DIPK1C: variants seen among roughly 807,000 people sequenced by gnomAD.
DIPK1C encodes the protein divergent protein kinase domain 1C.
Under a neutral mutation model 28.0 loss-of-function variants are expected in DIPK1C, and 33 were observed. That is an observed-to-expected ratio of 1.18 (90% CI 0.89 to 1.58). DIPK1C has a LOEUF of 1.58. Ranked by LOEUF, DIPK1C falls within the 40% of genes most tolerant of loss-of-function variation. The pLI is 0.00. For synonymous variants in DIPK1C, 255 were observed against 248.8 expected (o/e 1.02, Z -0.23); for missense variants, 569 against 568.5 (o/e 1.00, Z -0.01).
At chr18:74,442,200 TC>T (rs2144515508) in intron 2 of DIPK1C, 84 bp from the exon 3 acceptor site, 1 of 1,502,726 alleles carries the variant, frequency 6.7e-7, no homozygotes, top group Non-Finnish European at 9.0e-7. Flanking sequence ...TCTGTTCACC[TC>T]GTGCGGGTGC....
At chr18:74,444,914 G>T (rs572881960) in intron 2 of DIPK1C, among the ~76,000 whole-genome samples, 1 of 152,232 alleles carries the variant, frequency 6.6e-6, no homozygotes, top group Admixed American at 6.5e-5. Flanking sequence ...ACAACTTAGG[G>T]GGCTCCCACA....
In DIPK1C at chr18:74,457,067, C is replaced by T. The variant is rs1254582041; in HGVS notation, c.193G>A (p.Ala65Thr). Residue 65 changes from alanine to threonine, a missense_variant, in exon 1 of 4, where the codon GCG (alanine) becomes ACG (threonine). Physicochemically the swap from Ala to Thr is moderately conservative, Grantham distance 58 (BLOSUM62 0). Transcript: ENST00000343998. Reference sequence around the variant, plus strand: ...AGAGCGGCGGCGGGACCTACCAGCGCGGCCAGGATGCGCCGGCTCTTCTCG... The same window carrying T: ...AGAGCGGCGGCGGGACCTACCAGCGTGGCCAGGATGCGCCGGCTCTTCTCG... ...TDEKSRRILA[A>T]LCQDYQGGTL... is the part of the protein sequence containing the mutation. 19 of 1,460,214 alleles carry T rather than the reference C, an allele frequency of 1.3e-5. No homozygotes were observed. Among genetic ancestry groups the T allele is most frequent in the Non-Finnish European group, 1.5e-5 (17 of 1,114,530 alleles). 90.5% of individuals were successfully genotyped at this position (1,460,214 alleles called of 1,614,324 possible).
the DIPK1C span, among the ~76,000 whole-genome samples, chr18:74,464,178 G>A: frequency 6.6e-6 from 1 of 152,026 alleles, no homozygotes; most frequent in South Asian, 2.1e-4. Context: ...GTGGCAGCTG[G>A]CCCCACTCCC....
intron 2 of DIPK1C, among the ~76,000 whole-genome samples, chr18:74,442,330 CT>C (rs113419163): frequency 0.016 from 2,347 of 150,796 alleles, 56 homozygotes; most frequent in African/African-American, 0.049. Flanking sequence ...TTTTCTTTTT[CT>C]TTTTTTTTTT....
chr18:74,440,165 C>T (rs1429916390), intron 3 of DIPK1C, among the ~76,000 whole-genome samples: 7 of 152,062 alleles, frequency 4.6e-5, no homozygotes, highest in African/African-American at 1.2e-4. Flanking sequence ...AGGATGGTCT[C>T]GATCTCCTGA....
rs563082257 is a variant in DIPK1C at position 74,436,627 on chromosome 18, C to T, written c.1134G>A (p.Ala378=). 1.5e-5 allele frequency: 25 copies of T among 1,613,742 alleles called. No individual in the cohort carries two copies. The South Asian group carries it at 2.5e-4, about 16-fold the overall frequency. Residue 378 remains alanine (A), a synonymous_variant, in exon 4 of 4, where the codon GCG becomes GCA. Transcript: ENST00000343998. ...CCCCAGGGTCTGCACATTCCTGCAC[C>T]GCCTCCTGTAACTGCAGCTGAAGCT... is the stretch of plus-strand genomic sequence containing the variant. ...SFQLQLQLQE[A]VQECADPGVP... is the part of the protein sequence containing the mutation.
intron 3 of DIPK1C, among the ~76,000 whole-genome samples, chr18:74,441,516 G>C (rs1365480815): frequency 6.6e-6 from 1 of 152,134 alleles, no homozygotes. Context: ...ACCACCTCCT[G>C]GTCCTGACCT....
chr18:74,460,770 G>C (rs1986604425), upstream of DIPK1C, among the ~76,000 whole-genome samples: 1 of 152,180 alleles, frequency 6.6e-6, no homozygotes, highest in African/African-American at 2.4e-5. Context: ...AACTTGATAG[G>C]AGTTCATTCA....
intron 2 of DIPK1C, 92 bp from the exon 3 acceptor site, chr18:74,442,208 G>A (rs1341380960): frequency 1.7e-5 from 25 of 1,463,594 alleles, no homozygotes; most frequent in Non-Finnish European, 2.3e-5. Flanking sequence ...CCTCGTGCGG[G>A]TGCCACTGTC....
chr18:74,438,364 A>G (rs1986044719), intron 3 of DIPK1C, among the ~76,000 whole-genome samples: 1 of 152,190 alleles, frequency 6.6e-6, no homozygotes, highest in Non-Finnish European at 1.5e-5. Flanking sequence ...GATATATGCT[A>G]TTGCATTTTG....
upstream of DIPK1C, among the ~76,000 whole-genome samples, chr18:74,461,305 C>G (rs1012251516): frequency 6.6e-6 from 1 of 151,884 alleles, no homozygotes; most frequent in East Asian, 1.9e-4. Flanking sequence ...CATGCCTCCT[C>G]TCTTTTCTTT....
intron 1 of DIPK1C, among the ~76,000 whole-genome samples, chr18:74,454,041 A>C (rs148651151): frequency 4.5e-4 from 69 of 152,348 alleles, no homozygotes; most frequent in African/African-American, 1.5e-3. Context: ...TCAGTGATCC[A>C]GCACCAAGCT....
At chr18:74,450,674 T>A (rs1010652010) in intron 1 of DIPK1C, among the ~76,000 whole-genome samples, 8 of 152,230 alleles carry the variant, frequency 5.3e-5, no homozygotes, top group African/African-American at 1.9e-4. Flanking sequence ...ACCTCCTCTC[T>A]GCCTCACTGG....
At chr18:74,439,137 A>G (rs1271521879) in intron 3 of DIPK1C, among the ~76,000 whole-genome samples, 1 of 151,530 alleles carries the variant, frequency 6.6e-6, no homozygotes, top group East Asian at 1.9e-4. Context: ...TCTGAAAGAT[A>G]ATTAAATTTG....
At chr18:74,444,813 C>G (rs1210738773) in intron 2 of DIPK1C, among the ~76,000 whole-genome samples, 1 of 152,226 alleles carries the variant, frequency 6.6e-6, no homozygotes, top group Non-Finnish European at 1.5e-5. Context: ...CACCAGCCGA[C>G]AAAACACAGT....
intron 1 of DIPK1C, among the ~76,000 whole-genome samples, chr18:74,449,758 T>C (rs2288265): frequency 0.58 from 87,454 of 151,690 alleles, 26,344 homozygotes; most frequent in Non-Finnish European, 0.67. Context: ...GAAACCCACA[T>C]CCTTTAGGAA....
intron 1 of DIPK1C, among the ~76,000 whole-genome samples, chr18:74,453,423 C>A (rs1029684091): frequency 2.6e-5 from 4 of 152,218 alleles, no homozygotes; most frequent in Middle Eastern, 3.2e-3. Context: ...TGTGGCCGAG[C>A]ATTCAGGCAG....
At position 74,441,953 on chromosome 18, in the gene DIPK1C, T is replaced by C; in HGVS notation, c.1040A>G (p.Gln347Arg). ...CGAQRVNNNL[Q>R]VICDKIFRHW... ...CCCAGCCCTGGCGGACTCTCATACC[T>C]GCAGGTTGTTGTTTACGCGCTGCGC... The change falls in exon 3 of 4, where the codon CAG becomes CGG. Residue 347 changes from glutamine to arginine, a missense_variant and splice_region_variant. Transcript: ENST00000343998. 1 of 1,612,956 alleles carries C rather than the reference T, an allele frequency of 6.2e-7. No homozygotes were observed. Among genetic ancestry groups the C allele is most frequent in the Non-Finnish European group, 8.5e-7 (1 of 1,179,310 alleles).
upstream of DIPK1C, among the ~76,000 whole-genome samples, chr18:74,458,193 C>G (rs1370467616): frequency 6.6e-6 from 1 of 152,156 alleles, no homozygotes; most frequent in Non-Finnish European, 1.5e-5. Flanking sequence ...CGCCTTTCCC[C>G]AGGATAGGGG....
Sources: gnomAD v4.1 joint callset for allele counts (sites outside exome capture counted in the v4.1 genomes callset) on GRCh38, gnomAD v4.1.1 for gene constraint, MANE v1.5 for transcripts, NCBI Gene and HGNC (gene_info 2026-07-23, HGNC 2026-07-21) for gene names.